The following ZNF91 variants were observed in gnomAD, a reference collection of about 807,000 sequenced individuals.
The protein encoded by ZNF91 is zinc finger protein 91 (HPF7, HTF10).
ZNF91 carries 7 observed loss-of-function variants against 12.6 expected under a neutral mutation model. The observed-to-expected ratio is 0.55, with a 90% CI of 0.31 to 1.04. The LOEUF is 1.04. Ranked by LOEUF, ZNF91 falls within the 50% of genes least tolerant of loss-of-function variation. ZNF91 has a pLI of 0.05. For missense variants in ZNF91, 1,217 were observed against 1,385.4 expected, an observed-to-expected ratio of 0.88 and a Z score of 1.93; for synonymous variants, 453 against 462.6, an observed-to-expected ratio of 0.98 and a Z score of 0.27.
At chr19:23,365,441 A>G (rs1215943835) in intron 3 of ZNF91, among the ~76,000 whole-genome samples, 2 of 152,182 alleles carry the variant, frequency 1.3e-5, no homozygotes, top group Non-Finnish European at 2.9e-5. Flanking sequence ...TGTAAATAAC[A>G]ATAAGAAATG....
chr19:23,380,708 G>A (rs1250603357), intron 1 of ZNF91: 1 of 152,196 alleles, frequency 6.6e-6, no homozygotes, highest in Non-Finnish European at 1.5e-5. Context: ...AATATCCAAA[G>A]TGCATAGCTA....
intron 1 of ZNF91, among the ~76,000 whole-genome samples, chr19:23,316,652 C>A (rs764994916): frequency 3.9e-5 from 6 of 152,220 alleles, no homozygotes; most frequent in Admixed American, 3.9e-4. Context: ...CTTGGTCCAA[C>A]TAACAGTTGC....
At chr19:23,323,672 TCCTCCTCCTCTA>T (rs1967766627) in intron 1 of ZNF91, among the ~76,000 whole-genome samples, 2 of 120,820 alleles carry the variant, frequency 1.7e-5, no homozygotes, top group African/African-American at 8.2e-5. Context: ...TCCTCTTCTC[TCCTCCTCCTCTA>T]CTTCTCCTTC....
At position 23,341,565 on chromosome 19, in the gene ZNF91, TGAAA is replaced by T. The variant is rs1158078206; in HGVS notation, c.254-2515_254-2512del. 9.2e-5 allele frequency among the ~76,000 whole-genome samples: 14 copies of T among 152,128 alleles called. No homozygotes were observed. In the South Asian group the frequency reaches 2.1e-3, roughly 23 times the overall value. On this transcript the variant is annotated intron_variant, in intron 3 of 3. Coordinates refer to the ZNF91 transcript ENST00000599743. Reference sequence around the variant, plus strand: ...AATAATAATCCAACTAAAAAATGGTTGAAAGAGTGAAAAAAATATTTTGCCAACA... The same window carrying T: ...AATAATAATCCAACTAAAAAATGGTTGAGTGAAAAAAATATTTTGCCAACA...
At chr19:23,380,943 C>G (rs1177883404) in intron 1 of ZNF91, 1 of 152,130 alleles carries the variant, frequency 6.6e-6, no homozygotes, top group Admixed American at 6.6e-5. Flanking sequence ...ACTAACTAAA[C>G]AGCTATACAG....
At chr19:23,356,800 A>G (rs1244847879), downstream of ZNF91, among the ~76,000 whole-genome samples, 1 of 152,136 alleles carries the variant, frequency 6.6e-6, no homozygotes, top group East Asian at 1.9e-4. Flanking sequence ...TTCATAAACT[A>G]TTACACAGGC....
intron 1 of ZNF91, among the ~76,000 whole-genome samples, chr19:23,386,010 C>A (rs1199384406): frequency 6.6e-6 from 1 of 151,884 alleles, no homozygotes; most frequent in Admixed American, 6.6e-5. Flanking sequence ...TAGTAGCATC[C>A]CTGTGAATCA....
At chr19:23,313,567 C>G (rs1282014126), upstream of ZNF91, among the ~76,000 whole-genome samples, 1 of 152,120 alleles carries the variant, frequency 6.6e-6, no homozygotes, top group Non-Finnish European at 1.5e-5. Flanking sequence ...GGTGAGGTGA[C>G]TTTGCTGCCC....
chr19:23,363,112 C>T (rs149884891), intron 3 of ZNF91, among the ~76,000 whole-genome samples: 363 of 152,216 alleles, frequency 2.4e-3, no homozygotes, highest in Middle Eastern at 0.01. Flanking sequence ...ATGCAAAAAA[C>T]CACACAGAAA....
chr19:23,352,092 G>A (rs1968380481), intron 3 of ZNF91, among the ~76,000 whole-genome samples: 2 of 152,296 alleles, frequency 1.3e-5, no homozygotes, highest in South Asian at 4.1e-4. Flanking sequence ...TTCACAGGCA[G>A]GGAAAAACTA....
rs549225541 is a variant in ZNF91, at chr19:23,345,383, G to A, written c.254-6329C>T. Among the ~76,000 whole-genome samples, 10 of 152,240 alleles carry A rather than the reference G, an allele frequency of 6.6e-5. 1 individual carries two copies. The highest frequency in any genetic ancestry group is 2.9e-5 in the Non-Finnish European group (2 of 68,028). On this transcript the variant is annotated intron_variant, in intron 3 of 3. Coordinates refer to the ZNF91 transcript ENST00000599743. ...TTACAATTCAATCTGGCCACAATAC[G>A]AATTGGATAATGGGTCCAAATGGCC...
chr19:23,311,804 G>A (rs537173456), upstream of ZNF91, among the ~76,000 whole-genome samples: 9 of 151,868 alleles, frequency 5.9e-5, no homozygotes, highest in Non-Finnish European at 1.2e-4. Flanking sequence ...CCTAGGTGAC[G>A]TGACTCTCCT....
chr19:23,371,581 T>C (rs1969281088), intron 3 of ZNF91, among the ~76,000 whole-genome samples: 1 of 152,198 alleles, frequency 6.6e-6, no homozygotes, highest in Non-Finnish European at 1.5e-5. Flanking sequence ...TAAACTCATA[T>C]TAAGGAACTT....
chr19:23,384,731 G>A (rs767364801), intron 1 of ZNF91: 1 of 611,854 alleles, frequency 1.6e-6, no homozygotes, highest in East Asian at 3.0e-5. Flanking sequence ...CTTTTACCTG[G>A]AAACTAGGAG....
At chr19:23,334,515 C>T (rs1449310508), downstream of ZNF91, among the ~76,000 whole-genome samples, 1 of 152,118 alleles carries the variant, frequency 6.6e-6, no homozygotes, top group Non-Finnish European at 1.5e-5. Flanking sequence ...CTTTTCAGCC[C>T]AGAATGTATT....
Position 23,385,087 on chromosome 19 carries a change from A to G in ZNF91, c.30+10238T>C, listed in dbSNP as rs10425768. The G allele has an allele frequency of 4.3e-3, 3,986 of 922,284 alleles. 90 individuals are homozygous for G. In the African/African-American group the frequency reaches 0.054, roughly 13 times the overall value. 57.1% of individuals were successfully genotyped at this position (922,284 alleles called of 1,614,324 possible). The stretch of plus-strand genomic sequence containing the variant: ...ATCTCAGTCCAGACAGGGCAGGGAC[A>G]GCCACTCCTCCAACCTGTCCGAACA... On this transcript the variant is annotated intron_variant, in intron 1 of 3. Transcript: ENST00000300619.
chr19:23,372,511 T>C (rs755988816), intron 3 of ZNF91, among the ~76,000 whole-genome samples: 1 of 152,220 alleles, frequency 6.6e-6, no homozygotes, highest in Non-Finnish European at 1.5e-5. Context: ...GTAATCCTTT[T>C]TAGAAGGCAA....
chr19:23,353,489 C>T (rs1467286132), downstream of ZNF91, among the ~76,000 whole-genome samples: 2 of 152,004 alleles, frequency 1.3e-5, no homozygotes, highest in Admixed American at 1.3e-4. Context: ...GCCCTAAATG[C>T]CTACATCAAA....
intron 1 of ZNF91, chr19:23,327,856 G>A (rs1967865139): frequency 3.3e-5 from 5 of 152,134 alleles, no homozygotes; most frequent in Admixed American, 2.6e-4. Context: ...TAAACCAAGA[G>A]TAACTTAAAG....
Sources: gnomAD v4.1 joint callset for allele counts (sites outside exome capture counted in the v4.1 genomes callset) on GRCh38, gnomAD v4.1.1 for gene constraint, MANE v1.5 for transcripts, NCBI Gene and HGNC (gene_info 2026-07-23, HGNC 2026-07-21) for gene names.